Variants in ZDHHC15 observed in about 807,000 individuals in gnomAD.
ZDHHC15 encodes palmitoyltransferase ZDHHC15.
Under a neutral mutation model 31.7 loss-of-function variants are expected in ZDHHC15, and 19 were observed. The observed-to-expected ratio is 0.60, with a 90% CI of 0.42 to 0.88. The LOEUF is 0.88. ZDHHC15 is among the 40% of genes least tolerant of loss of function. The pLI, the probability that ZDHHC15 is intolerant of heterozygous loss-of-function variation, is 0.00. For synonymous variants in ZDHHC15, 103 were observed against 90.0 expected, an observed-to-expected ratio of 1.14 and a Z score of -0.82; for missense variants, 209 against 251.2, an observed-to-expected ratio of 0.83 and a Z score of 1.14.
intron 2 of ZDHHC15, among the ~76,000 whole-genome samples, chrX:75,487,997 T>C (rs1158640353): frequency 8.9e-6 from 1 of 111,976 alleles, no homozygotes; most frequent in African/African-American, 3.2e-5. Context: ...AATTAAAAAA[T>C]GAACAAAGCC....
At chrX:75,496,286 A>G (rs2084998065) in intron 2 of ZDHHC15, among the ~76,000 whole-genome samples, 1 of 111,783 alleles carries the variant, frequency 8.9e-6, no homozygotes, top group Admixed American at 9.6e-5. Context: ...TGAAAAATTT[A>G]GGGCAATAGG....
At chrX:75,377,478 AGAGT>A (rs1464509671) in intron 11 of ZDHHC15, among the ~76,000 whole-genome samples, 1 of 98,170 alleles carries the variant, frequency 1.0e-5, no homozygotes, top group African/African-American at 3.5e-5. Context: ...CCTGGGCAAC[AGAGT>A]GAGACTCCAT....
chrX:75,429,337 G>T (rs2083750542), intron 6 of ZDHHC15, 139 bp from the exon 7 acceptor site: 12 of 724,487 alleles, frequency 1.7e-5, no homozygotes, highest in Non-Finnish European at 2.1e-5. Context: ...AGAGATAGAA[G>T]TCCCTTAATA....
intron 7 of ZDHHC15, among the ~76,000 whole-genome samples, chrX:75,426,328 C>G (rs752870411): frequency 1.2e-3 from 130 of 111,715 alleles, no homozygotes; most frequent in Non-Finnish European, 2.2e-3. Flanking sequence ...AGTCCACAGT[C>G]TGTCTGGCTG....
At position 75,375,157 on chromosome X, in the gene ZDHHC15, C is replaced by CA. The variant is rs762712250; in HGVS notation, c.*33-2213dup. On this transcript the variant is annotated intron_variant, in intron 11 of 11. Coordinates refer to ENST00000373367, the MANE Select transcript of ZDHHC15 (RefSeq NM_144969.3). ...TTTATACGTGTTTCCAAGTTGCACT[C>CA]AAAAAATGATCTATGAATTTAAACT... 2.3e-4 allele frequency among the ~76,000 whole-genome samples: 26 copies of CA among 111,461 alleles called. 2 individuals are homozygous for CA. Among genetic ancestry groups the CA allele is most frequent in the Admixed American group, 2.2e-3 (23 of 10,485 alleles).
intron 3 of ZDHHC15, among the ~76,000 whole-genome samples, chrX:75,468,751 AT>A (rs2084453952): frequency 8.9e-6 from 1 of 111,818 alleles, no homozygotes; most frequent in African/African-American, 3.2e-5. Flanking sequence ...TCATTCATTT[AT>A]TTAATTTGGC....
In ZDHHC15 at chrX:75,424,797, T is replaced by G. The variant is rs371358966; in HGVS notation, c.604-13A>C. Reference sequence around the variant, plus strand: ...TGGGTAATTCCCCCTAGAAAAGAAATAATAAACAAGCAAAAGATTAAAGTG... The same window carrying G: ...TGGGTAATTCCCCCTAGAAAAGAAAGAATAAACAAGCAAAAGATTAAAGTG... On this transcript the variant is annotated splice_polypyrimidine_tract_variant and intron_variant, in intron 7 of 11. Transcript: ENST00000373367. 2 of 1,171,215 alleles carry G rather than the reference T, an allele frequency of 1.7e-6. No homozygotes were observed. Among genetic ancestry groups the G allele is most frequent in the African/African-American group, 3.6e-5 (2 of 54,885 alleles).
chrX:75,425,837 A>T (rs980164756), intron 7 of ZDHHC15, among the ~76,000 whole-genome samples: 2 of 111,667 alleles, frequency 1.8e-5, no homozygotes, highest in Non-Finnish European at 3.8e-5. Context: ...CTTCTCTGAG[A>T]TAATATTTTT....
chrX:75,493,937 AT>A (rs1206117345), intron 2 of ZDHHC15, among the ~76,000 whole-genome samples: 1 of 111,672 alleles, frequency 9.0e-6, no homozygotes, highest in Non-Finnish European at 1.9e-5. Context: ...GGCCAGGGCA[AT>A]AAGGCAGGGG....
At chrX:75,398,667 G>A (rs2083323137) in intron 10 of ZDHHC15, among the ~76,000 whole-genome samples, 1 of 111,525 alleles carries the variant, frequency 9.0e-6, no homozygotes, top group Admixed American at 9.4e-5. Flanking sequence ...TCCCAACTGG[G>A]GCCTCCAGCT....
intron 10 of ZDHHC15, among the ~76,000 whole-genome samples, chrX:75,398,561 T>G (rs2083322023): frequency 8.9e-6 from 1 of 112,513 alleles, no homozygotes; most frequent in South Asian, 3.7e-4. Flanking sequence ...GGGTCTGAAG[T>G]GGACCCCCCA....
intron 1 of ZDHHC15, among the ~76,000 whole-genome samples, chrX:75,509,735 A>C (rs1440767093): frequency 1.8e-5 from 2 of 112,787 alleles, no homozygotes; most frequent in Non-Finnish European, 3.8e-5. Context: ...ACAAGGATTA[A>C]GTAATAACAT....
chrX:75,443,786 C>T (rs2083983725), intron 4 of ZDHHC15, among the ~76,000 whole-genome samples: 1 of 112,073 alleles, frequency 8.9e-6, no homozygotes, highest in Non-Finnish European at 1.9e-5. Flanking sequence ...AAACAAACAA[C>T]CCCATCAAAA....
At chrX:75,495,948 AAAAC>A (rs954785337) in intron 2 of ZDHHC15, among the ~76,000 whole-genome samples, 3 of 110,591 alleles carry the variant, frequency 2.7e-5, no homozygotes, top group Non-Finnish European at 5.7e-5. Flanking sequence ...AAAAAAAAGA[AAAAC>A]AAGGTATTCA....
intron 2 of ZDHHC15, among the ~76,000 whole-genome samples, chrX:75,488,385 A>G (rs1330199609): frequency 1.8e-5 from 2 of 112,000 alleles, no homozygotes; most frequent in Non-Finnish European, 3.8e-5. Flanking sequence ...TAAACAAAAT[A>G]ATTGTCAGTC....
At chrX:75,442,717 T>A (rs1405679341) in intron 4 of ZDHHC15, among the ~76,000 whole-genome samples, 33 of 111,529 alleles carry the variant, frequency 3.0e-4, no homozygotes, top group Non-Finnish European at 5.5e-4. Flanking sequence ...CCGGGCGCGG[T>A]GGCTCACGCC....
At chrX:75,454,139 C>A (rs1322081046) in intron 3 of ZDHHC15, among the ~76,000 whole-genome samples, 2 of 111,407 alleles carry the variant, frequency 1.8e-5, no homozygotes, top group African/African-American at 3.3e-5. Context: ...TTTAGAAAAC[C>A]CCATCGTCTC....
At chrX:75,389,428 G>T (rs5981850) in intron 10 of ZDHHC15, among the ~76,000 whole-genome samples, 62,655 of 107,591 alleles carry the variant, frequency 0.58, 16,888 homozygotes, top group Non-Finnish European at 0.81. Flanking sequence ...AGGCAGTGCA[G>T]CTTGCAGCTC....
intron 4 of ZDHHC15, among the ~76,000 whole-genome samples, chrX:75,435,702 T>C (rs1231877650): frequency 8.9e-6 from 1 of 112,380 alleles, no homozygotes; most frequent in Non-Finnish European, 1.9e-5. Context: ...CACATGATGA[T>C]GATGGATTAT....
Sources: allele counts gnomAD v4.1 joint callset (sites outside exome capture counted in the v4.1 genomes callset), GRCh38; gene constraint gnomAD v4.1.1; transcripts MANE v1.5; gene names NCBI Gene and HGNC (gene_info 2026-07-23, HGNC 2026-07-21).